The following KCNIP4 variants were observed in gnomAD, a reference collection of about 807,000 sequenced individuals.
KCNIP4 encodes the protein Kv channel-interacting protein 4.
Under a neutral mutation model 34.0 loss-of-function variants are expected in KCNIP4, and 12 were observed. The ratio of observed to expected loss-of-function variants is 0.35; its 90% CI spans 0.23 to 0.57. The LOEUF is 0.57. Among genes scored for constraint, KCNIP4 ranks in the 20% least tolerant of loss-of-function variants. KCNIP4 has a pLI of 0.83. For missense variants in KCNIP4, 238 were observed against 311.7 expected, an observed-to-expected ratio of 0.76 and a Z score of 1.78; for synonymous variants, 124 against 102.2, an observed-to-expected ratio of 1.21 and a Z score of -1.29.
At chr4:20,906,792 T>C (rs1491370) in intron 1 of KCNIP4, among the ~76,000 whole-genome samples, 52,064 of 152,128 alleles carry the variant, frequency 0.34, 10,508 homozygotes, top group East Asian at 0.5. Flanking sequence ...TGCCATTGCA[T>C]ATTGTAGTGA....
chr4:21,395,747 A>T (rs1347171100), intron 1 of KCNIP4, among the ~76,000 whole-genome samples: 2 of 152,170 alleles, frequency 1.3e-5, no homozygotes, highest in African/African-American at 2.4e-5. Context: ...TGTCATCATC[A>T]TCATCATCAT....
intron 1 of KCNIP4, among the ~76,000 whole-genome samples, chr4:20,953,424 C>A (rs1018160174): frequency 1.3e-5 from 2 of 152,184 alleles, no homozygotes; most frequent in Non-Finnish European, 2.9e-5. Context: ...GTAATCCCAG[C>A]ACTTTGGTAT....
At chr4:20,873,386 A>C (rs1461322954) in intron 2 of KCNIP4, among the ~76,000 whole-genome samples, 2 of 152,212 alleles carry the variant, frequency 1.3e-5, no homozygotes, top group Non-Finnish European at 2.9e-5. Context: ...CTCAAGTGTT[A>C]GCTATTGATA....
intron 1 of KCNIP4, among the ~76,000 whole-genome samples, chr4:21,283,467 A>G (rs1406577476): frequency 6.6e-6 from 1 of 151,660 alleles, no homozygotes; most frequent in African/African-American, 2.4e-5. Context: ...TCTTGAGAAA[A>G]CATACCATTA....
At chr4:21,753,991 C>T (rs1301020182) in intron 1 of KCNIP4, among the ~76,000 whole-genome samples, 1 of 152,172 alleles carries the variant, frequency 6.6e-6, no homozygotes, top group Non-Finnish European at 1.5e-5. Context: ...GAGAACCTAA[C>T]AGGCATTGTG....
chr4:21,256,837 A>T (rs1239992439), intron 1 of KCNIP4, among the ~76,000 whole-genome samples: 1 of 152,210 alleles, frequency 6.6e-6, no homozygotes, highest in Non-Finnish European at 1.5e-5. Flanking sequence ...TAGCTCAGGC[A>T]AGAGATGATG....
At chr4:21,798,586 G>GAAAGAAAGAAAGAAAGAAAGAA (rs34338129) in intron 1 of KCNIP4, among the ~76,000 whole-genome samples, 6 of 58,948 alleles carry the variant, frequency 1.0e-4, no homozygotes, top group African/African-American at 1.7e-4. Context: ...AAGAAAGAAA[G>GAAAGAAAGAAAGAAAGAAAGAA]AGAAAAAATG....
At chr4:21,079,344 A>G (rs940548377) in intron 1 of KCNIP4, among the ~76,000 whole-genome samples, 5 of 152,072 alleles carry the variant, frequency 3.3e-5, no homozygotes, top group Non-Finnish European at 5.9e-5. Context: ...ATCTGTGGAG[A>G]TTATATATTT....
chr4:20,866,591 T>A (rs185726838), intron 2 of KCNIP4, among the ~76,000 whole-genome samples: 2 of 152,010 alleles, frequency 1.3e-5, no homozygotes, highest in Non-Finnish European at 2.9e-5. Context: ...TTCTTGAGAA[T>A]TGGAACATGA....
rs1473879099 is a variant in KCNIP4 at position 21,370,002 on chromosome 4, T to C, written c.62-487293A>G. ...GCCACCATGCCTGGCTAATTTTTTGTATTTTTATTAGAGACGGGGTTTCAC... is the reference window on the plus strand; with the variant it reads ...GCCACCATGCCTGGCTAATTTTTTGCATTTTTATTAGAGACGGGGTTTCAC... On this transcript the variant is annotated intron_variant, in intron 1 of 8. Transcript: ENST00000382152. Among the ~76,000 whole-genome samples, 2 of 146,568 alleles carry C rather than the reference T, an allele frequency of 1.4e-5. 1 individual carries two copies. Among genetic ancestry groups the C allele is most frequent in the African/African-American group, 5.5e-5 (2 of 36,338 alleles).
At chr4:20,731,694 G>A (rs1308426819) in intron 8 of KCNIP4, 2 of 985,154 alleles carry the variant, frequency 2.0e-6, no homozygotes, top group Non-Finnish European at 2.4e-6. Context: ...TTTTGGCAAA[G>A]AGCAATTCAA....
intron 2 of KCNIP4, among the ~76,000 whole-genome samples, chr4:20,862,771 C>T (rs184128391): frequency 9.2e-5 from 14 of 152,176 alleles, no homozygotes; most frequent in East Asian, 5.8e-4. Flanking sequence ...ATATACACCA[C>T]GGAATACTAT....
At chr4:21,855,110 A>G (rs911171114) in intron 1 of KCNIP4, among the ~76,000 whole-genome samples, 9 of 152,212 alleles carry the variant, frequency 5.9e-5, no homozygotes. Flanking sequence ...TTTAAGCAAC[A>G]GACAGAATCT....
intron 1 of KCNIP4, among the ~76,000 whole-genome samples, chr4:21,346,053 C>T (rs1362038272): frequency 7.3e-6 from 1 of 136,172 alleles, no homozygotes; most frequent in South Asian, 2.4e-4. Flanking sequence ...ATGCCAAAGC[C>T]CAACTCGGGC....
rs56211689 is a variant in KCNIP4, at chr4:21,044,473, G to A, written c.62-161764C>T. Among the ~76,000 whole-genome samples, 804 of 152,046 alleles carry A rather than the reference G, an allele frequency of 5.3e-3. 4 individuals are homozygous for A. Among genetic ancestry groups the A allele is most frequent in the African/African-American group, 0.017 (705 of 41,480 alleles). On this transcript the variant is annotated intron_variant, in intron 1 of 8. Transcript: ENST00000382152. The stretch of plus-strand genomic sequence containing the variant: ...ACTAGAGGCACCTGCCACCATGCCC[G>A]GCTAATTTTTGTATTTTTAGTAGAG...
At chr4:20,857,787 T>C (rs1400397365) in intron 2 of KCNIP4, among the ~76,000 whole-genome samples, 1 of 152,146 alleles carries the variant, frequency 6.6e-6, no homozygotes, top group Non-Finnish European at 1.5e-5. Context: ...ATTAGATCCA[T>C]TTTCTTGCTC....
intron 1 of KCNIP4, among the ~76,000 whole-genome samples, chr4:21,518,813 G>T (rs1437339888): frequency 4.6e-5 from 7 of 152,098 alleles, no homozygotes; most frequent in African/African-American, 1.7e-4. Flanking sequence ...CACTGAAACA[G>T]CTCCTTGATA....
intron 3 of KCNIP4, among the ~76,000 whole-genome samples, chr4:20,785,016 C>T (rs1306550834): frequency 6.6e-6 from 1 of 152,150 alleles, no homozygotes. Flanking sequence ...CCCCTAACCC[C>T]ACCCCAGAAA....
intron 1 of KCNIP4, among the ~76,000 whole-genome samples, chr4:21,060,348 G>C (rs1743804314): frequency 6.6e-6 from 1 of 151,646 alleles, no homozygotes; most frequent in South Asian, 2.1e-4. Context: ...ATATCTTGCG[G>C]TTAACCCAGA....
Sources: allele counts gnomAD v4.1 joint callset (sites outside exome capture counted in the v4.1 genomes callset), GRCh38; gene constraint gnomAD v4.1.1; transcripts MANE v1.5; gene names NCBI Gene and HGNC (gene_info 2026-07-23, HGNC 2026-07-21).